PTPRO: variants seen among roughly 807,000 people sequenced by gnomAD.
PTPRO encodes the protein protein tyrosine phosphatase receptor type O.
In PTPRO, 62 loss-of-function variants were observed where a neutral mutation model predicts 145.2. The ratio of observed to expected loss-of-function variants is 0.43; its 90% CI spans 0.35 to 0.53. PTPRO has a LOEUF of 0.53. Ranked by LOEUF, PTPRO falls within the 20% of genes least tolerant of loss-of-function variation. The probability of loss-of-function intolerance (pLI) is 0.01; values close to 1 mark genes in which losing one functional copy is unlikely to be tolerated. For missense variants in PTPRO, 1,345 were observed against 1,482.7 expected, an observed-to-expected ratio of 0.91 and a Z score of 1.53; for synonymous variants, 565 against 514.7, an observed-to-expected ratio of 1.10 and a Z score of -1.32.
chr12:15,509,696 G>GAA lies in PTPRO; in HGVS notation c.1464+940_1464+941dup, dbSNP rs66556618. On this transcript the variant is annotated intron_variant, in intron 7 of 26. Transcript: ENST00000281171. ...AGTGAGACTCCGTCTCAAAAAAAAA[G>GAA]AAAAAAAAAAAAGAATATAAAGTAA... Among the ~76,000 whole-genome samples, 85 of 140,434 alleles carry GAA rather than the reference G, an allele frequency of 6.1e-4. 1 individual carries two copies. Among genetic ancestry groups the GAA allele is most frequent in the Non-Finnish European group, 6.7e-4 (44 of 65,432 alleles). 92.1% of individuals were successfully genotyped at this position (140,434 alleles called of 152,430 possible). A position where few individuals can be genotyped will look rare whatever the true frequency, so the allele number is the denominator to read the frequency against.
At chr12:15,517,365 C>T (rs887013110) in intron 9 of PTPRO, among the ~76,000 whole-genome samples, 4 of 152,178 alleles carry the variant, frequency 2.6e-5, no homozygotes, top group African/African-American at 7.2e-5. Flanking sequence ...CCACAGGGTC[C>T]CTCGCACAAC....
At chr12:15,375,335 G>A (rs1021142696) in intron 1 of PTPRO, among the ~76,000 whole-genome samples, 4 of 152,274 alleles carry the variant, frequency 2.6e-5, no homozygotes, top group Non-Finnish European at 5.9e-5. Flanking sequence ...AGGGGACCCA[G>A]ATTTTAGACT....
intron 11 of PTPRO, 89 bp downstream of exon 11, chr12:15,525,054 T>A: frequency 4.0e-6 from 6 of 1,488,256 alleles, no homozygotes; most frequent in Non-Finnish European, 5.6e-6. Flanking sequence ...TATTGACACG[T>A]CAAATGTTTG....
chr12:15,541,799 G>A (rs567810731), intron 12 of PTPRO, among the ~76,000 whole-genome samples: 17 of 152,284 alleles, frequency 1.1e-4, no homozygotes, highest in African/African-American at 3.9e-4. Flanking sequence ...ATCACTTGAG[G>A]TGAGGAGTTC....
chr12:15,549,332 A>C, intron 14 of PTPRO, 106 bp downstream of exon 14: 1 of 952,142 alleles, frequency 1.1e-6, no homozygotes, highest in Non-Finnish European at 1.4e-6. Flanking sequence ...TCGGAGTCAG[A>C]GAGTCCTTAA....
At chr12:15,588,003 T>G (rs1591774131) in intron 24 of PTPRO, among the ~76,000 whole-genome samples, 1 of 152,358 alleles carries the variant, frequency 6.6e-6, no homozygotes, top group South Asian at 2.1e-4. Context: ...CATAAGCTAC[T>G]AAGTTTCTGT....
intron 24 of PTPRO, among the ~76,000 whole-genome samples, chr12:15,588,281 C>T (rs534933813): frequency 6.6e-6 from 1 of 152,070 alleles, no homozygotes; most frequent in Admixed American, 6.5e-5. Flanking sequence ...AAAAAGCAAC[C>T]CTTAAACTCA....
At chr12:15,334,013 C>T (rs770803351) in intron 1 of PTPRO, among the ~76,000 whole-genome samples, 19 of 152,058 alleles carry the variant, frequency 1.2e-4, no homozygotes, top group South Asian at 2.1e-4. Flanking sequence ...CTTGGCTCTA[C>T]GGTTTGAAAA....
chr12:15,414,447 G>A (rs931221766), intron 1 of PTPRO, among the ~76,000 whole-genome samples: 4 of 152,120 alleles, frequency 2.6e-5, no homozygotes, highest in Non-Finnish European at 5.9e-5. Flanking sequence ...AGGTGCAGTG[G>A]CACTAAACGT....
chr12:15,581,486 A>T (rs950447668), intron 22 of PTPRO, among the ~76,000 whole-genome samples, 193 bp from the exon 23 acceptor site: 20 of 151,890 alleles, frequency 1.3e-4, no homozygotes, highest in South Asian at 2.1e-4. Context: ...TTTTAGTTAG[A>T]TATGATAAGA....
chr12:15,344,664 A>G (rs1285492119), intron 1 of PTPRO, among the ~76,000 whole-genome samples: 1 of 152,188 alleles, frequency 6.6e-6, no homozygotes, highest in Non-Finnish European at 1.5e-5. Context: ...TAAGTTTGTG[A>G]TTTCATGGCT....
intron 1 of PTPRO, among the ~76,000 whole-genome samples, chr12:15,419,576 C>T (rs1940075357): frequency 6.6e-6 from 1 of 151,646 alleles, no homozygotes; most frequent in African/African-American, 2.4e-5. Flanking sequence ...CAAGTCTGAC[C>T]TACAGGGAAC....
At chr12:15,429,731 T>C (rs1480938887) in intron 1 of PTPRO, among the ~76,000 whole-genome samples, 1 of 152,162 alleles carries the variant, frequency 6.6e-6, no homozygotes, top group Non-Finnish European at 1.5e-5. Flanking sequence ...GTTTTATACA[T>C]TGAAAAATGT....
intron 8 of PTPRO, among the ~76,000 whole-genome samples, chr12:15,516,352 A>C (rs1479941347): frequency 1.3e-5 from 2 of 150,142 alleles, no homozygotes; most frequent in African/African-American, 4.9e-5. Context: ...AAAAAAAAGA[A>C]AAGAAAGAAA....
chr12:15,483,021 G>A (rs1941812014), intron 1 of PTPRO, among the ~76,000 whole-genome samples: 1 of 152,066 alleles, frequency 6.6e-6, no homozygotes, highest in South Asian at 2.1e-4. Context: ...GGAGCGCCTG[G>A]CATAGTGCCT....
At position 15,344,705 on chromosome 12, in the gene PTPRO, G is replaced by A. The variant is rs569395587; in HGVS notation, c.75+21904G>A. 3.9e-5 allele frequency among the ~76,000 whole-genome samples: 6 copies of A among 152,188 alleles called. No homozygotes were observed. The East Asian group carries it at 7.7e-4, about 20-fold the overall frequency. ...CATATGCTGATCTGAATTCAATGTC[G>A]TCTCTCTCTTTTCACAAACCATCTG... is the stretch of plus-strand genomic sequence containing the variant. On this transcript the variant is annotated intron_variant, in intron 1 of 26. Transcript: ENST00000281171.
chr12:15,398,690 CT>C (rs57371510), intron 1 of PTPRO, among the ~76,000 whole-genome samples: 35,429 of 147,786 alleles, frequency 0.24, 4,305 homozygotes, highest in African/African-American at 0.3. Context: ...TACAGAAACT[CT>C]TTTTTTTTTT....
intron 1 of PTPRO, among the ~76,000 whole-genome samples, chr12:15,470,229 G>A (rs1037966347): frequency 1.3e-5 from 2 of 152,114 alleles, no homozygotes; most frequent in African/African-American, 4.8e-5. Flanking sequence ...TTACAGTCTG[G>A]GGACTGTAGT....
intron 1 of PTPRO, among the ~76,000 whole-genome samples, chr12:15,336,648 C>T (rs1478060276): frequency 1.3e-5 from 2 of 152,154 alleles, no homozygotes; most frequent in African/African-American, 4.8e-5. Flanking sequence ...GGATTGAATT[C>T]TGGCTGTATT....
Sources: allele counts gnomAD v4.1 joint callset (sites outside exome capture counted in the v4.1 genomes callset), GRCh38; gene constraint gnomAD v4.1.1; transcripts MANE v1.5; gene names NCBI Gene and HGNC (gene_info 2026-07-23, HGNC 2026-07-21).